The following ZNF624 variants were observed in gnomAD, a reference collection of about 807,000 sequenced individuals.
The protein encoded by ZNF624 is zinc finger protein 624.
In ZNF624, 43 loss-of-function variants were observed where a neutral mutation model predicts 74.7. That is an observed-to-expected ratio of 0.58 (90% CI 0.45 to 0.74). The LOEUF (loss-of-function observed/expected upper bound fraction) is 0.74, where lower values mean the gene tolerates loss of function less well. ZNF624 is among the 30% of genes least tolerant of loss of function. The pLI, the probability that ZNF624 is intolerant of heterozygous loss-of-function variation, is 0.00. For missense variants in ZNF624, 820 were observed against 1,030.0 expected (o/e 0.80, Z 2.79); for synonymous variants, 331 against 341.3 (o/e 0.97, Z 0.33).
intron 1 of ZNF624, among the ~76,000 whole-genome samples, chr17:16,651,384 T>C (rs778781000): frequency 1.9e-4 from 28 of 150,380 alleles, no homozygotes; most frequent in Non-Finnish European, 3.3e-4. Context: ...GAGCAGAGAT[T>C]GTGTCACTGC....
downstream of ZNF624, chr17:16,617,138 A>G: frequency 1.2e-6 from 2 of 1,612,998 alleles, no homozygotes; most frequent in Non-Finnish European, 1.7e-6. Context: ...TTGGGCTTAG[A>G]TTTGCTCTTT....
At chr17:16,615,956 C>CATATATAT (rs56321425), downstream of ZNF624, among the ~76,000 whole-genome samples, 410 of 90,010 alleles carry the variant, frequency 4.6e-3, 7 homozygotes, top group Non-Finnish European at 6.5e-3. Flanking sequence ...ATTCCATATA[C>CATATATAT]ATATATATAT....
chr17:16,617,379 G>A (rs1597487962), downstream of ZNF624: 1 of 1,613,458 alleles, frequency 6.2e-7, no homozygotes. Flanking sequence ...TTATTTCTGT[G>A]CCATCCAGTT....
At position 16,624,051 on chromosome 17, in the gene ZNF624, T is replaced by C. The variant is rs371431111; in HGVS notation, c.835A>G (p.Ser279Gly). The change falls in exon 6 of 6, where the codon AGT becomes GGT. Residue 279 changes from serine (S) to glycine (G), a missense_variant. Transcript: ENST00000311331. ...TAATGAAAGGCCTTTTCGCATGTACTACATTTGTAGGGTTTTTCCTTATTA... is the reference window on the plus strand; with the variant it reads ...TAATGAAAGGCCTTTTCGCATGTACCACATTTGTAGGGTTTTTCCTTATTA... ...SNNKEKPYKCSTCEKAFHYRS... is the reference protein window; with the variant it reads ...SNNKEKPYKCGTCEKAFHYRS... 6.2e-7 allele frequency: 1 copy of C among 1,613,934 alleles called. No individual in the cohort carries two copies. The highest frequency in any genetic ancestry group is 8.5e-7 in the Non-Finnish European group (1 of 1,180,016).
chr17:16,623,649 C>T lies in ZNF624; in HGVS notation c.1237G>A (p.Glu413Lys). ...CAATCATCACATTTGTAGGGTTTCT[C>T]ACCATTGTGAGTTTCCTGATGTCTT... is the stretch of plus-strand genomic sequence containing the variant. ...LARHQETHNG[E>K]KPYKCDDCGK... The change falls in exon 6 of 6, where the codon GAG becomes AAG. Residue 413 changes from glutamate (E) to lysine (K), a missense_variant. By Grantham distance (56) the Glu-to-Lys change is moderately conservative. Coordinates refer to ENST00000311331, the MANE Select transcript of ZNF624 (RefSeq NM_020787.4). This position sits in a 1 kb window ranked among gnomAD's most constrained non-coding sequence, Gnocchi z 5.3. 6.2e-7 allele frequency: 1 copy of T among 1,610,016 alleles called. No homozygotes were observed. The highest frequency in any genetic ancestry group is 8.5e-7 in the Non-Finnish European group (1 of 1,178,632).
chr17:16,630,091 T>C (rs2142590909), intron 5 of ZNF624, among the ~76,000 whole-genome samples: 1 of 152,258 alleles, frequency 6.6e-6, no homozygotes, highest in East Asian at 1.9e-4. Flanking sequence ...GCCCTGCCTT[T>C]TATAGAAAAG....
intron 5 of ZNF624, among the ~76,000 whole-genome samples, chr17:16,625,034 C>CAA (rs71152822): frequency 8.7e-5 from 9 of 103,580 alleles, no homozygotes; most frequent in Admixed American, 2.0e-4. Flanking sequence ...ACGACTGTCT[C>CAA]AAAAAAAAAA....
downstream of ZNF624, chr17:16,617,241 A>C: frequency 6.2e-7 from 1 of 1,612,814 alleles, no homozygotes; most frequent in South Asian, 1.1e-5. Flanking sequence ...TTCCAGATCT[A>C]CTGCGGCTGC....
At position 16,652,037 on chromosome 17, in the gene ZNF624, G is replaced by T. The variant is rs140398121; in HGVS notation, c.-3+1727C>A. The stretch of plus-strand genomic sequence containing the variant: ...TGAAGGGTGAAGGAGTGGGAGGGGG[G>T]TGGAGAATAAGGAATTACTTAATGG... On this transcript the variant is annotated intron_variant, in intron 1 of 5. Transcript: ENST00000311331. 3.3e-3 allele frequency among the ~76,000 whole-genome samples: 498 copies of T among 152,122 alleles called. 3 individuals carry two copies. Among genetic ancestry groups the T allele is most frequent in the South Asian group, 7.3e-3 (35 of 4,804 alleles).
intron 5 of ZNF624, 40 bp from the exon 6 acceptor site, chr17:16,624,549 A>T: frequency 1.3e-6 from 2 of 1,501,944 alleles, no homozygotes; most frequent in Non-Finnish European, 1.8e-6. Context: ...TTCCTTTCCT[A>T]AGCTGGGGCA....
downstream of ZNF624, chr17:16,617,649 T>C (rs1908817901): frequency 1.9e-6 from 3 of 1,607,562 alleles, no homozygotes; most frequent in Non-Finnish European, 2.5e-6. Context: ...GCTGTAGCTG[T>C]CGCGATTGCG....
downstream of ZNF624, among the ~76,000 whole-genome samples, chr17:16,616,013 A>G (rs1908786902): frequency 7.1e-6 from 1 of 141,200 alleles, no homozygotes; most frequent in Non-Finnish European, 1.5e-5. Context: ...GAGATATACC[A>G]TATACCTATA....
chr17:16,618,448 A>G (rs888774912), downstream of ZNF624, among the ~76,000 whole-genome samples: 2 of 152,226 alleles, frequency 1.3e-5, no homozygotes, highest in African/African-American at 4.8e-5. Flanking sequence ...TAATCTATGT[A>G]TCTGATGTAA....
At chr17:16,625,980 C>T (rs1222263045) in intron 5 of ZNF624, among the ~76,000 whole-genome samples, 3 of 150,464 alleles carry the variant, frequency 2.0e-5, no homozygotes, top group Admixed American at 6.6e-5. Context: ...GGCAGTGTCT[C>T]GCTCTGTTGC....
chr17:16,628,424 A>G (rs907477157), intron 5 of ZNF624, among the ~76,000 whole-genome samples: 1 of 152,244 alleles, frequency 6.6e-6, no homozygotes, highest in Non-Finnish European at 1.5e-5. Flanking sequence ...ATTCAAGAAC[A>G]TAAGATTAAC....
chr17:16,634,620 T>A lies in ZNF624; in HGVS notation c.280+10A>T. 1 of 1,611,386 alleles carries A rather than the reference T, an allele frequency of 6.2e-7. No homozygotes were observed. Among genetic ancestry groups the A allele is most frequent in the Non-Finnish European group, 8.5e-7 (1 of 1,178,684 alleles). On this transcript the variant is annotated intron_variant, in intron 4 of 5. Coordinates refer to ENST00000311331, the MANE Select transcript of ZNF624 (RefSeq NM_020787.4). The stretch of plus-strand genomic sequence containing the variant: ...CAGATCAATCAACACAGAAGAGAAG[T>A]TATCCTTACCCAGGGAGACCAGATT...
At chr17:16,634,283 C>G (rs140791301) in intron 4 of ZNF624, among the ~76,000 whole-genome samples, 1 of 152,114 alleles carries the variant, frequency 6.6e-6, no homozygotes. Context: ...TGCTATGATT[C>G]TGGTTTGGTG....
downstream of ZNF624, among the ~76,000 whole-genome samples, chr17:16,615,956 C>CATACATATAT (rs58603208): frequency 2.6e-3 from 236 of 90,026 alleles, 3 homozygotes; most frequent in African/African-American, 7.3e-3. Flanking sequence ...ATTCCATATA[C>CATACATATAT]ATATATATAT....
chr17:16,645,904 A>G (rs1307736612), intron 3 of ZNF624, among the ~76,000 whole-genome samples: 1 of 130,658 alleles, frequency 7.7e-6, no homozygotes, highest in Non-Finnish European at 1.6e-5. Context: ...GTGAGCCAAG[A>G]TTGTGCCACT....
Sources: allele counts gnomAD v4.1 joint callset (sites outside exome capture counted in the v4.1 genomes callset), GRCh38; gene constraint gnomAD v4.1.1; non-coding constraint Gnocchi (gnomAD v3.1); transcripts MANE v1.5; gene names NCBI Gene and HGNC (gene_info 2026-07-23, HGNC 2026-07-21).